Variants in OSBPL1A observed in about 807,000 individuals in gnomAD.
OSBPL1A encodes oxysterol binding protein like 1A.
A neutral mutation model predicts 137.1 loss-of-function variants in OSBPL1A; 80 were observed. That is an observed-to-expected ratio of 0.58 (90% CI 0.49 to 0.70). OSBPL1A has a LOEUF of 0.70. OSBPL1A is among the 30% of genes least tolerant of loss of function. OSBPL1A has a pLI of 0.00. For synonymous variants in OSBPL1A, 365 were observed against 389.7 expected, an observed-to-expected ratio of 0.94 and a Z score of 0.75; for missense variants, 970 against 1,129.4, an observed-to-expected ratio of 0.86 and a Z score of 2.02.
At chr18:24,216,744 G>C (rs996756466) in intron 17 of OSBPL1A, among the ~76,000 whole-genome samples, 1 of 151,678 alleles carries the variant, frequency 6.6e-6, no homozygotes, top group East Asian at 1.9e-4. Flanking sequence ...TTTTTGTTTA[G>C]GGTTCATCGG....
chr18:24,219,411 C>T, intron 17 of OSBPL1A, among the ~76,000 whole-genome samples: 1 of 152,168 alleles, frequency 6.6e-6, no homozygotes, highest in East Asian at 1.9e-4. Flanking sequence ...TATTATTCTA[C>T]TTGTAGGCAT....
At chr18:24,172,095 C>T (rs1599429935) in intron 22 of OSBPL1A, among the ~76,000 whole-genome samples, 1 of 152,022 alleles carries the variant, frequency 6.6e-6, no homozygotes, top group African/African-American at 2.4e-5. Context: ...CACCCGCCAC[C>T]GTGCCCGGCT....
chr18:24,331,686 G>C (rs367558266), intron 7 of OSBPL1A, among the ~76,000 whole-genome samples: 1 of 152,122 alleles, frequency 6.6e-6, no homozygotes, highest in East Asian at 1.9e-4. Flanking sequence ...ATGAGCCACC[G>C]CGCCCGGCGG....
At chr18:24,220,300 G>C (rs1334788083) in intron 17 of OSBPL1A, among the ~76,000 whole-genome samples, 1 of 152,194 alleles carries the variant, frequency 6.6e-6, no homozygotes, top group African/African-American at 2.4e-5. Flanking sequence ...CCTGCTCCTT[G>C]GTCCCTAGTT....
intron 2 of OSBPL1A, among the ~76,000 whole-genome samples, chr18:24,373,306 T>C (rs1905821094): frequency 6.6e-6 from 1 of 152,228 alleles, no homozygotes; most frequent in African/African-American, 2.4e-5. Flanking sequence ...TTGGACCTCC[T>C]AGTAAAGTGA....
At chr18:24,173,300 T>TA (rs1361950428) in intron 21 of OSBPL1A, among the ~76,000 whole-genome samples, 1 of 152,176 alleles carries the variant, frequency 6.6e-6, no homozygotes, top group Non-Finnish European at 1.5e-5. Context: ...TATTGGGTAC[T>TA]ACGCTTAGTA....
intron 1 of OSBPL1A, among the ~76,000 whole-genome samples, chr18:24,383,124 A>C (rs941119386): frequency 2.8e-5 from 4 of 143,584 alleles, no homozygotes; most frequent in Non-Finnish European, 6.0e-5. Context: ...CTACACTATA[A>C]AGGCATTTTA....
intron 15 of OSBPL1A, among the ~76,000 whole-genome samples, chr18:24,264,570 C>A (rs963422615): frequency 6.6e-6 from 1 of 152,164 alleles, no homozygotes; most frequent in African/African-American, 2.4e-5. Flanking sequence ...CAAAATGCGA[C>A]TTCTACCAAG....
intron 4 of OSBPL1A, among the ~76,000 whole-genome samples, chr18:24,345,678 T>C (rs1340749047): frequency 6.6e-6 from 1 of 151,632 alleles, no homozygotes; most frequent in Non-Finnish European, 1.5e-5. Flanking sequence ...AAAGCGAGAC[T>C]CCATCTCAAA....
rs759773758 is a variant in OSBPL1A at position 24,225,197 on chromosome 18, A to G, written c.1446T>C (p.Asp482=). 6.2e-7 allele frequency: 1 copy of G among 1,614,040 alleles called. No individual in the cohort carries two copies. The stretch of plus-strand genomic sequence containing the variant: ...TACTCAGGGACCTTTCGGACTCGGA[A>G]TCTGTGGCAGAGCAGGTTCATAGTT... The part of the protein sequence containing the change: ...SEDEFYDALS[D]SESERSLSRL... Residue 482 remains aspartate, a splice_region_variant and synonymous_variant, in exon 17 of 28, where the codon GAT becomes GAC. Coordinates refer to ENST00000319481, the MANE Select transcript of OSBPL1A (RefSeq NM_080597.4).
chr18:24,167,438 G>T lies in OSBPL1A; in HGVS notation c.2426C>A (p.Thr809Asn), dbSNP rs1233005562. The change falls in exon 25 of 28, where the codon ACC becomes AAC. Residue 809 changes from threonine (T) to asparagine (N), a missense_variant. By Grantham distance (65) the Thr-to-Asn change is moderately conservative. Coordinates refer to ENST00000319481, the MANE Select transcript of OSBPL1A (RefSeq NM_080597.4). ...EEKKNSKQMS[T>N]SEELDEMPVP... ...TGGCATTTCATCCAACTCCTCAGAG[G>T]TGCTCATCTAGAAAAACCAATCAAT... 1 of 1,613,878 alleles carries T rather than the reference G, an allele frequency of 6.2e-7. No homozygotes were observed. The highest frequency in any genetic ancestry group is 1.3e-5 in the African/African-American group (1 of 74,920).
chr18:24,362,506 AAGTT>A (rs1431960579), intron 4 of OSBPL1A, among the ~76,000 whole-genome samples: 2 of 152,226 alleles, frequency 1.3e-5, no homozygotes, highest in Non-Finnish European at 2.9e-5. Flanking sequence ...AACGTATTAA[AAGTT>A]AGTTAAATCT....
At chr18:24,204,679 T>C (rs115051839) in intron 17 of OSBPL1A, among the ~76,000 whole-genome samples, 1,876 of 152,188 alleles carry the variant, frequency 0.012, 18 homozygotes, top group African/African-American at 0.043. Context: ...TATGTCCTTG[T>C]TTGCTCATCT....
chr18:24,360,943 T>C (rs951079998), intron 4 of OSBPL1A, among the ~76,000 whole-genome samples: 1 of 152,226 alleles, frequency 6.6e-6, no homozygotes, highest in African/African-American at 2.4e-5. Context: ...TATCTTGTTT[T>C]TACTAATGTT....
chr18:24,207,821 C>G (rs1363533285), intron 17 of OSBPL1A, among the ~76,000 whole-genome samples: 1 of 152,186 alleles, frequency 6.6e-6, no homozygotes, highest in Non-Finnish European at 1.5e-5. Context: ...TCTTGGCTCA[C>G]TGCATCCTCT....
chr18:24,273,465 C>T (rs938985566), intron 15 of OSBPL1A, among the ~76,000 whole-genome samples: 2 of 152,170 alleles, frequency 1.3e-5, no homozygotes, highest in African/African-American at 2.4e-5. Context: ...TACTGAAGCA[C>T]CTCACATAAA....
intron 15 of OSBPL1A, among the ~76,000 whole-genome samples, chr18:24,273,331 G>A (rs1417592465): frequency 1.3e-5 from 2 of 152,128 alleles, no homozygotes; most frequent in Non-Finnish European, 2.9e-5. Context: ...CTCTCCCTAG[G>A]CCCTGAAAAT....
intron 5 of OSBPL1A, among the ~76,000 whole-genome samples, chr18:24,339,147 T>A (rs1050996476): frequency 6.6e-6 from 1 of 152,104 alleles, no homozygotes; most frequent in Non-Finnish European, 1.5e-5. Flanking sequence ...AATTTTTGTA[T>A]TTTTAGTAGA....
At chr18:24,248,113 G>C (rs2088958655) in intron 15 of OSBPL1A, among the ~76,000 whole-genome samples, 1 of 152,190 alleles carries the variant, frequency 6.6e-6, no homozygotes, top group Non-Finnish European at 1.5e-5. Context: ...CAGGAGAAAT[G>C]CAGTGAGTAT....
Sources: allele counts gnomAD v4.1 joint callset (sites outside exome capture counted in the v4.1 genomes callset), GRCh38; gene constraint gnomAD v4.1.1; transcripts MANE v1.5; gene names NCBI Gene and HGNC (gene_info 2026-07-23, HGNC 2026-07-21).